Variants in TRPM3 observed in about 807,000 individuals in gnomAD.
TRPM3 encodes the protein long transient receptor potential channel 3.
TRPM3 carries 77 observed loss-of-function variants against 181.2 expected under a neutral mutation model. The ratio of observed to expected loss-of-function variants is 0.42; its 90% confidence interval spans 0.35 to 0.51. TRPM3 has a LOEUF of 0.51. TRPM3 is among the 20% of genes least tolerant of loss of function. The pLI is 0.01. For synonymous variants in TRPM3, 745 were observed against 796.4 expected (o/e 0.94, Z 1.09); for missense variants, 1,759 against 2,196.7 (o/e 0.80, Z 3.98).
chr9:71,420,721 A>AAGAGAGAGAG (rs760245264), intron 1 of TRPM3, among the ~76,000 whole-genome samples: 34 of 76,678 alleles, frequency 4.4e-4, no homozygotes, highest in Non-Finnish European at 6.2e-4. Context: ...GAAAGAGAGA[A>AAGAGAGAGAG]AGAGAGAGAG....
chr9:71,282,703 T>A (rs958495161), intron 1 of TRPM3, among the ~76,000 whole-genome samples: 70 of 152,342 alleles, frequency 4.6e-4, no homozygotes, highest in African/African-American at 1.5e-3. Context: ...ATAGGAGAGA[T>A]GTTCTTACTT....
intron 21 of TRPM3, among the ~76,000 whole-genome samples, chr9:70,596,712 C>A (rs1172868330): frequency 2.0e-3 from 263 of 131,962 alleles, no homozygotes; most frequent in East Asian, 2.9e-3. Flanking sequence ...AAAACACTGT[C>A]AAAAAAAAAA....
At chr9:70,924,947 G>A (rs1468281145) in intron 1 of TRPM3, among the ~76,000 whole-genome samples, 2 of 152,120 alleles carry the variant, frequency 1.3e-5, no homozygotes, top group Admixed American at 6.6e-5. Flanking sequence ...GATGATGATC[G>A]CTGAACCTAA....
chr9:71,162,086 A>G (rs2076297867), intron 1 of TRPM3, among the ~76,000 whole-genome samples: 1 of 151,018 alleles, frequency 6.6e-6, no homozygotes, highest in South Asian at 2.1e-4. Context: ...TGTAATTCCA[A>G]CTACTGAGGA....
intron 1 of TRPM3, among the ~76,000 whole-genome samples, chr9:71,418,387 A>T (rs1241547758): frequency 1.3e-5 from 2 of 151,848 alleles, no homozygotes; most frequent in Non-Finnish European, 2.9e-5. Flanking sequence ...TCTCAATACA[A>T]ATGGTCTCAT....
intron 1 of TRPM3, among the ~76,000 whole-genome samples, chr9:71,201,002 T>C (rs2078750847): frequency 2.0e-5 from 3 of 152,100 alleles, no homozygotes; most frequent in Admixed American, 2.0e-4. Context: ...GATTTTGCAG[T>C]GGCTGGTACT....
chr9:70,742,107 A>G (rs2134849196), intron 8 of TRPM3, among the ~76,000 whole-genome samples: 1 of 152,290 alleles, frequency 6.6e-6, no homozygotes, highest in African/African-American at 2.4e-5. Flanking sequence ...TTGTTCATTA[A>G]GACCACATTT....
chr9:71,144,579 C>G (rs143902493), intron 1 of TRPM3, among the ~76,000 whole-genome samples: 4 of 152,104 alleles, frequency 2.6e-5, no homozygotes, highest in Non-Finnish European at 4.4e-5. Context: ...TTTCCCTCAT[C>G]TGGGTCAATT....
At chr9:71,164,459 A>G (rs2134733637) in intron 1 of TRPM3, among the ~76,000 whole-genome samples, 1 of 152,254 alleles carries the variant, frequency 6.6e-6, no homozygotes, top group Non-Finnish European at 1.5e-5. Context: ...GGAAGTCTGT[A>G]CACCCCACAG....
At chr9:70,826,111 T>C (rs1396929928) in intron 6 of TRPM3, 1 of 152,252 alleles carries the variant, frequency 6.6e-6, no homozygotes, top group African/African-American at 2.4e-5. Context: ...GCTCTTATCC[T>C]CTTCAGCTTC....
intron 1 of TRPM3, among the ~76,000 whole-genome samples, chr9:71,253,985 T>C (rs1399069120): frequency 1.3e-5 from 2 of 152,172 alleles, no homozygotes; most frequent in Admixed American, 6.5e-5. Context: ...AGTGGTGCGA[T>C]CTTGGCTCAC....
At chr9:70,889,079 T>C (rs911380734) in intron 1 of TRPM3, among the ~76,000 whole-genome samples, 8 of 152,062 alleles carry the variant, frequency 5.3e-5, no homozygotes, top group Non-Finnish European at 7.4e-5. Flanking sequence ...CTGGAAGGGG[T>C]GGCACAGCCA....
At chr9:71,348,321 AAT>A (rs1269231233) in intron 1 of TRPM3, among the ~76,000 whole-genome samples, 2 of 151,996 alleles carry the variant, frequency 1.3e-5, no homozygotes, top group African/African-American at 4.8e-5. Context: ...TTTGTGATTG[AAT>A]ATCTCACAGC....
chr9:71,060,870 T>C (rs1184341537), intron 1 of TRPM3, among the ~76,000 whole-genome samples: 2 of 152,082 alleles, frequency 1.3e-5, no homozygotes, highest in African/African-American at 4.8e-5. Context: ...AAGCTACTTA[T>C]ACTTACCTGT....
intron 7 of TRPM3, among the ~76,000 whole-genome samples, chr9:70,781,475 T>C (rs556542345): frequency 6.6e-6 from 1 of 152,016 alleles, no homozygotes; most frequent in Non-Finnish European, 1.5e-5. Flanking sequence ...CAGGAATGCA[T>C]TGCTTTTGAT....
chr9:70,887,726 T>C (rs965370077), intron 1 of TRPM3, among the ~76,000 whole-genome samples: 2 of 152,184 alleles, frequency 1.3e-5, no homozygotes, highest in Non-Finnish European at 2.9e-5. Context: ...TTTCAACATC[T>C]GTTTGTCAAT....
chr9:70,792,017 G>T (rs1030977452), intron 6 of TRPM3, among the ~76,000 whole-genome samples: 1 of 152,110 alleles, frequency 6.6e-6, no homozygotes, highest in Non-Finnish European at 1.5e-5. Flanking sequence ...GATTGAATGG[G>T]AAATCCTTTA....
chr9:70,694,655 T>C (rs1197199326), intron 8 of TRPM3, among the ~76,000 whole-genome samples: 1 of 152,114 alleles, frequency 6.6e-6, no homozygotes, highest in Non-Finnish European at 1.5e-5. Flanking sequence ...TAATTTTTTG[T>C]ATTTTTAGTA....
intron 1 of TRPM3, among the ~76,000 whole-genome samples, chr9:71,304,074 A>T (rs561159679): frequency 6.6e-6 from 1 of 152,270 alleles, no homozygotes; most frequent in Non-Finnish European, 1.5e-5. Flanking sequence ...ACACAGACAC[A>T]TACATATTGG....
Sources: gnomAD v4.1 joint callset for allele counts (sites outside exome capture counted in the v4.1 genomes callset) on GRCh38, gnomAD v4.1.1 for gene constraint, MANE v1.5 for transcripts, NCBI Gene and HGNC (gene_info 2026-07-23, HGNC 2026-07-21) for gene names.